Variants in CCDC7 observed in about 807,000 individuals in gnomAD.
CCDC7 encodes coiled-coil domain-containing protein 7.
CCDC7 carries 183 observed loss-of-function variants against 196.9 expected under a neutral mutation model. The ratio of observed to expected loss-of-function variants is 0.93; its 90% CI spans 0.82 to 1.05. The LOEUF (loss-of-function observed/expected upper bound fraction) is 1.05. CCDC7 is among the 50% of genes least tolerant of loss of function. CCDC7 has a pLI of 0.00. For synonymous variants in CCDC7, 525 were observed against 484.6 expected (o/e 1.08, Z -1.10); for missense variants, 1,540 against 1,482.2 (o/e 1.04, Z -0.64).
chr10:32,595,185 T>G (rs1259279318), intron 18 of CCDC7, among the ~76,000 whole-genome samples: 1 of 152,154 alleles, frequency 6.6e-6, no homozygotes, highest in African/African-American at 2.4e-5. Flanking sequence ...GTCCTGGACT[T>G]TTTTGGTTGG....
chr10:32,813,916 A>G lies in CCDC7; in HGVS notation c.3098-454A>G, dbSNP rs1354180673. 2.6e-5 allele frequency among the ~76,000 whole-genome samples: 4 copies of G among 151,962 alleles called. No individual in the cohort carries two copies. In the East Asian group the frequency reaches 7.7e-4, roughly 29 times the overall value. On this transcript the variant is annotated intron_variant, in intron 30 of 41. Coordinates refer to ENST00000639629, the Ensembl canonical transcript of CCDC7. Reference sequence around the variant, plus strand: ...AGGTTTTTGTTATTTTCCAATCCAGACATTTCATTTTAATTCTTCTATAAA... The same window carrying G: ...AGGTTTTTGTTATTTTCCAATCCAGGCATTTCATTTTAATTCTTCTATAAA...
intron 16 of CCDC7, among the ~76,000 whole-genome samples, chr10:32,581,480 C>T (rs2058726253): frequency 1.3e-5 from 2 of 151,988 alleles, no homozygotes; most frequent in Admixed American, 6.6e-5. Flanking sequence ...CCTCCTTCAC[C>T]ATCTAATCAG....
At chr10:32,694,836 G>A in intron 23 of CCDC7, 43 bp from the exon 25 acceptor site, 1 of 1,138,086 alleles carries the variant, frequency 8.8e-7, no homozygotes, top group Non-Finnish European at 1.2e-6. Flanking sequence ...TTCACAGTAG[G>A]TCTGTTTTTC....
intron 29 of CCDC7, among the ~76,000 whole-genome samples, chr10:32,786,201 A>C (rs560107541): frequency 1.3e-5 from 2 of 152,308 alleles, no homozygotes; most frequent in East Asian, 3.9e-4. Flanking sequence ...AATAAAGTAA[A>C]TTTTTTGTAA....
chr10:32,608,675 G>C (rs953037058), intron 18 of CCDC7, among the ~76,000 whole-genome samples: 3 of 152,020 alleles, frequency 2.0e-5, no homozygotes, highest in Admixed American at 1.3e-4. Flanking sequence ...TGAATAGCCG[G>C]GACTACAGGC....
intron 22 of CCDC7, among the ~76,000 whole-genome samples, chr10:32,688,089 C>T (rs1351196896): frequency 6.6e-6 from 1 of 151,988 alleles, no homozygotes; most frequent in African/African-American, 2.4e-5. Context: ...TCCCTGCCAC[C>T]CTTCCTCATC....
chr10:32,859,551 C>T (rs1367880663), intron 41 of CCDC7, among the ~76,000 whole-genome samples: 2 of 151,964 alleles, frequency 1.3e-5, no homozygotes, highest in Admixed American at 6.6e-5. Context: ...TAGCAGAAGA[C>T]AAGAAATAAC....
chr10:32,601,247 T>G (rs1186213692), intron 18 of CCDC7, among the ~76,000 whole-genome samples: 1 of 152,126 alleles, frequency 6.6e-6, no homozygotes, highest in Non-Finnish European at 1.5e-5. Flanking sequence ...TAATTTTGTA[T>G]TTTCAGTAAG....
intron 21 of CCDC7, among the ~76,000 whole-genome samples, chr10:32,664,574 A>G (rs1297078002): frequency 6.6e-6 from 1 of 152,056 alleles, no homozygotes; most frequent in East Asian, 1.9e-4. Flanking sequence ...AACTCCTCAT[A>G]TAGGTAAGAT....
intron 25 of CCDC7, among the ~76,000 whole-genome samples, chr10:32,714,671 G>A (rs2081317821): frequency 6.6e-6 from 1 of 152,216 alleles, no homozygotes; most frequent in Non-Finnish European, 1.5e-5. Context: ...AGCCAGCACA[G>A]CAGTCTGAAG....
At chr10:32,802,357 ACT>A (rs773058203) in intron 29 of CCDC7, among the ~76,000 whole-genome samples, 86 of 152,214 alleles carry the variant, frequency 5.6e-4, no homozygotes, top group Non-Finnish European at 1.0e-3. Context: ...ATTTTGCATA[ACT>A]CTCTAAACAG....
chr10:32,495,381 G>T (rs192336999), intron 9 of CCDC7, among the ~76,000 whole-genome samples: 36 of 152,306 alleles, frequency 2.4e-4, no homozygotes, highest in Non-Finnish European at 4.3e-4. Flanking sequence ...CTGTGCAGAA[G>T]TTCTTTAGTT....
At chr10:32,613,150 G>A (rs1156834852) in intron 18 of CCDC7, among the ~76,000 whole-genome samples, 1 of 152,000 alleles carries the variant, frequency 6.6e-6, no homozygotes, top group East Asian at 1.9e-4. Flanking sequence ...TTAGTCTTGG[G>A]TGGGTGTATG....
intron 20 of CCDC7, among the ~76,000 whole-genome samples, chr10:32,640,006 A>C (rs1272474816): frequency 6.6e-6 from 1 of 152,154 alleles, no homozygotes; most frequent in Non-Finnish European, 1.5e-5. Context: ...GCTGAGAAGA[A>C]TGTATATTCT....
intron 41 of CCDC7, 85 bp from the exon 43 acceptor site, chr10:32,876,262 T>A: frequency 1.0e-6 from 1 of 972,116 alleles, no homozygotes; most frequent in East Asian, 2.6e-5. Flanking sequence ...CATTCTGTTT[T>A]CCATGATATC....
intron 20 of CCDC7, among the ~76,000 whole-genome samples, chr10:32,652,868 T>G (rs2069029366): frequency 6.6e-6 from 1 of 152,202 alleles, no homozygotes; most frequent in Non-Finnish European, 1.5e-5. Context: ...ATTCTGAATT[T>G]GTATTGTTTC....
intron 30 of CCDC7, among the ~76,000 whole-genome samples, chr10:32,813,758 T>C (rs1372783813): frequency 2.0e-5 from 3 of 152,178 alleles, no homozygotes; most frequent in Non-Finnish European, 4.4e-5. Context: ...CAATTACTGG[T>C]TAAGAAATTG....
chr10:32,845,329 A>T lies in CCDC7; in HGVS notation c.3436+3A>T. On this transcript the variant is annotated splice_donor_region_variant and intron_variant, in intron 34 of 41. Transcript: ENST00000639629. ...TGCACAACTAAAGGGTCACCAAAGTAAGAAAAAGAATTTTTCACATCTAAT... is the reference window on the plus strand; with the variant it reads ...TGCACAACTAAAGGGTCACCAAAGTTAGAAAAAGAATTTTTCACATCTAAT... The T allele has an allele frequency of 6.4e-7, 1 of 1,551,330 alleles. No individual in the cohort carries two copies. Among genetic ancestry groups the T allele is most frequent in the East Asian group, 2.4e-5 (1 of 42,310 alleles).
intron 28 of CCDC7, among the ~76,000 whole-genome samples, chr10:32,761,470 A>T (rs1565429006): frequency 6.6e-6 from 1 of 152,012 alleles, no homozygotes; most frequent in Non-Finnish European, 1.5e-5. Context: ...TGCCAAAGTA[A>T]TGAGTGTAAT....
Sources: allele counts gnomAD v4.1 joint callset (sites outside exome capture counted in the v4.1 genomes callset), GRCh38; gene constraint gnomAD v4.1.1; transcripts MANE v1.5; gene names NCBI Gene and HGNC (gene_info 2026-07-23, HGNC 2026-07-21).